The following NCAM2 variants were observed in gnomAD, a reference collection of about 807,000 sequenced individuals.
NCAM2 encodes N-CAM-2.
A neutral mutation model predicts 98.1 loss-of-function variants in NCAM2; 30 were observed. The observed-to-expected ratio is 0.31, with a 90% CI of 0.23 to 0.41. The LOEUF is 0.41. Among genes scored for constraint, NCAM2 ranks in the 10% least tolerant of loss-of-function variants. The pLI is 1.00. For synonymous variants in NCAM2, 368 were observed against 342.4 expected (o/e 1.07, Z -0.83); for missense variants, 867 against 1,005.8 (o/e 0.86, Z 1.87).
intron 4 of NCAM2, among the ~76,000 whole-genome samples, chr21:21,289,434 A>G (rs1488684591): frequency 6.6e-6 from 1 of 151,928 alleles, no homozygotes; most frequent in Non-Finnish European, 1.5e-5. Context: ...ACTACGTAGG[A>G]TAAGAGAGAG....
chr21:21,154,418 T>C (rs1435112328), intron 1 of NCAM2, among the ~76,000 whole-genome samples: 1 of 151,846 alleles, frequency 6.6e-6, no homozygotes, highest in East Asian at 1.9e-4. Flanking sequence ...GGATTTTAAC[T>C]TAATTAGTTG....
chr21:21,381,835 A>G (rs1383011226), intron 9 of NCAM2, among the ~76,000 whole-genome samples: 1 of 152,044 alleles, frequency 6.6e-6, no homozygotes, highest in Non-Finnish European at 1.5e-5. Context: ...TGAAGATCCC[A>G]ATTTTTTTTC....
At chr21:21,340,506 A>G (rs2074996768) in intron 8 of NCAM2, among the ~76,000 whole-genome samples, 1 of 152,002 alleles carries the variant, frequency 6.6e-6, no homozygotes, top group African/African-American at 2.4e-5. Context: ...GGAGTATATT[A>G]AAAAACACAT....
At chr21:21,240,382 AAAAG>A (rs1166149528) in intron 1 of NCAM2, among the ~76,000 whole-genome samples, 1 of 151,954 alleles carries the variant, frequency 6.6e-6, no homozygotes, top group African/African-American at 2.4e-5. Flanking sequence ...TAAAAAAAAA[AAAAG>A]CAAAAAAAGC....
At chr21:21,394,007 A>G (rs2076441618) in intron 9 of NCAM2, among the ~76,000 whole-genome samples, 2 of 152,122 alleles carry the variant, frequency 1.3e-5, no homozygotes, top group Admixed American at 1.3e-4. Context: ...AAGTCAAATT[A>G]GAGAGAAAGC....
At chr21:21,206,564 C>T in intron 1 of NCAM2, among the ~76,000 whole-genome samples, 1 of 152,070 alleles carries the variant, frequency 6.6e-6, no homozygotes, top group South Asian at 2.1e-4. Context: ...GCAATAAATT[C>T]ATGGGGCAAA....
chr21:21,157,839 T>A (rs2067661766), intron 1 of NCAM2, among the ~76,000 whole-genome samples: 1 of 152,166 alleles, frequency 6.6e-6, no homozygotes, highest in Non-Finnish European at 1.5e-5. Flanking sequence ...TTGTTTTATT[T>A]CTAGCCCAAT....
At chr21:21,379,874 A>T (rs2076114638) in intron 9 of NCAM2, among the ~76,000 whole-genome samples, 1 of 152,062 alleles carries the variant, frequency 6.6e-6, no homozygotes, top group African/African-American at 2.4e-5. Context: ...AGGTGCCACA[A>T]TAAGCCATCT....
chr21:21,272,934 T>TCTCACACACACA (rs201698643), intron 1 of NCAM2, among the ~76,000 whole-genome samples: 15 of 124,872 alleles, frequency 1.2e-4, no homozygotes, highest in African/African-American at 4.7e-4. Flanking sequence ...GGACATGCAT[T>TCTCACACACACA]CACACACACA....
At chr21:21,102,509 G>A (rs2049844) in intron 1 of NCAM2, among the ~76,000 whole-genome samples, 10,792 of 151,806 alleles carry the variant, frequency 0.071, 1,243 homozygotes, top group African/African-American at 0.24. Context: ...AAATTTTTTG[G>A]CACTTAACTA....
chr21:21,435,600 G>A (rs544272116), intron 12 of NCAM2, among the ~76,000 whole-genome samples: 12 of 152,214 alleles, frequency 7.9e-5, no homozygotes, highest in South Asian at 4.1e-4. Flanking sequence ...TCTGCAGGAG[G>A]TGCCTGACCT....
intron 1 of NCAM2, among the ~76,000 whole-genome samples, chr21:21,230,507 C>T (rs80064563): frequency 0.014 from 2,127 of 151,434 alleles, 45 homozygotes; most frequent in African/African-American, 0.049. Context: ...TCACCATATG[C>T]TTTCATCCTA....
At chr21:21,535,469 T>C (rs948980059) in intron 17 of NCAM2, among the ~76,000 whole-genome samples, 4 of 152,076 alleles carry the variant, frequency 2.6e-5, no homozygotes, top group African/African-American at 9.7e-5. Flanking sequence ...CTGATTTAGG[T>C]TTCTCATCCT....
chr21:21,425,091 T>C (rs1204863680), intron 11 of NCAM2, among the ~76,000 whole-genome samples: 1 of 147,210 alleles, frequency 6.8e-6, no homozygotes, highest in Admixed American at 6.8e-5. Flanking sequence ...ACATTCTGTC[T>C]GGTATACAAC....
chr21:21,087,421 C>G (rs1274423268), intron 1 of NCAM2, among the ~76,000 whole-genome samples: 1 of 152,062 alleles, frequency 6.6e-6, no homozygotes, highest in Non-Finnish European at 1.5e-5. Context: ...GTCGCTGCTC[C>G]CCTCTTCAGA....
At chr21:21,081,054 C>T (rs79430355) in intron 1 of NCAM2, among the ~76,000 whole-genome samples, 1,644 of 152,218 alleles carry the variant, frequency 0.011, 29 homozygotes, top group African/African-American at 0.037. Flanking sequence ...CAGGATCTTG[C>T]GTTACTTCAC....
At chr21:21,082,008 C>T (rs1202524191) in intron 1 of NCAM2, among the ~76,000 whole-genome samples, 2 of 150,664 alleles carry the variant, frequency 1.3e-5, no homozygotes, top group Non-Finnish European at 3.0e-5. Flanking sequence ...GAGGCAGAGG[C>T]GGGTGGATCA....
intron 14 of NCAM2, among the ~76,000 whole-genome samples, chr21:21,472,778 A>G (rs1000758666): frequency 5.3e-5 from 8 of 151,976 alleles, no homozygotes; most frequent in African/African-American, 1.9e-4. Context: ...TGCCTTAAGT[A>G]CTATGTGGGT....
chr21:21,294,462 A>T (rs563013630), intron 5 of NCAM2, among the ~76,000 whole-genome samples: 1 of 151,852 alleles, frequency 6.6e-6, no homozygotes, highest in African/African-American at 2.4e-5. Context: ...CCAAAAGTAA[A>T]TTCTTCTCCT....
Sources: allele counts gnomAD v4.1 joint callset (sites outside exome capture counted in the v4.1 genomes callset), GRCh38; gene constraint gnomAD v4.1.1; transcripts MANE v1.5; gene names NCBI Gene and HGNC (gene_info 2026-07-23, HGNC 2026-07-21).